Variants in C2CD2 observed in about 807,000 individuals in gnomAD.
C2CD2 encodes the protein C2 domain-containing protein 2.
A neutral mutation model predicts 74.3 loss-of-function variants in C2CD2; 43 were observed. The ratio of observed to expected loss-of-function variants is 0.58; its 90% CI spans 0.45 to 0.75. The LOEUF (loss-of-function observed/expected upper bound fraction) is 0.75, where lower values mean the gene tolerates loss of function less well. Among genes scored for constraint, C2CD2 ranks in the 30% least tolerant of loss-of-function variants. The pLI, the probability that C2CD2 is intolerant of heterozygous loss-of-function variation, is 0.00. For synonymous variants in C2CD2, 422 were observed against 390.7 expected (o/e 1.08, Z -0.94); for missense variants, 801 against 916.3 (o/e 0.87, Z 1.63).
At position 41,922,497 on chromosome 21, in the gene C2CD2, C is replaced by T. The variant is rs182533310; in HGVS notation, c.379-412G>A. Reference sequence around the variant, plus strand: ...GCATCTTTTTTTTTTTTTTTTGAGACGGAGTCTCACTCTGTCACCCAGGCT... The same window carrying T: ...GCATCTTTTTTTTTTTTTTTTGAGATGGAGTCTCACTCTGTCACCCAGGCT... On this transcript the variant is annotated intron_variant, in intron 2 of 13. Coordinates refer to ENST00000380486, the MANE Select transcript of C2CD2 (RefSeq NM_015500.2). Among the ~76,000 whole-genome samples the T allele has an allele frequency of 2.9e-4, 40 of 137,184 alleles. 1 individual carries two copies. Among genetic ancestry groups the T allele is most frequent in the Middle Eastern group, 5.2e-3 (1 of 194 alleles). The allele number at this position is 137,184 out of a possible 152,430, so 90.0% of individuals were successfully genotyped here. A position where few individuals can be genotyped will look rare whatever the true frequency, so the allele number is the denominator to read the frequency against.
chr21:41,917,182 G>A (rs1043586390), intron 5 of C2CD2, among the ~76,000 whole-genome samples: 4 of 152,152 alleles, frequency 2.6e-5, no homozygotes, highest in Non-Finnish European at 5.9e-5. Context: ...CATAGCCAGG[G>A]CTTAGCAGCA....
At chr21:41,912,277 G>T in intron 7 of C2CD2, 55 bp downstream of exon 7, 1 of 1,051,648 alleles carries the variant, frequency 9.5e-7, no homozygotes, top group Non-Finnish European at 1.5e-6. Context: ...AGGATTTGGC[G>T]CTCCTGAACA....
At position 41,922,086 on chromosome 21, in the gene C2CD2, C is replaced by G. The variant is rs1476993558; in HGVS notation, c.379-1G>C. 1.3e-6 allele frequency: 2 copies of G among 1,588,300 alleles called. No individual in the cohort carries two copies. The highest frequency in any genetic ancestry group is 2.7e-5 in the African/African-American group (2 of 74,438). On this transcript the variant is annotated splice_acceptor_variant, in intron 2 of 13. Coordinates refer to ENST00000380486, the MANE Select transcript of C2CD2 (RefSeq NM_015500.2). LOFTEE classifies it high-confidence loss of function. ...GGCCCACCACGTGACAGACCACCAC[C>G]TGGAGGAGGCACAGGTAAGGGAGAA... is the stretch of plus-strand genomic sequence containing the variant.
chr21:41,922,190 A>G, intron 2 of C2CD2, 105 bp from the exon 3 acceptor site: 1 of 669,036 alleles, frequency 1.5e-6, no homozygotes, highest in Non-Finnish European at 2.6e-6. Context: ...ACAAGGTCTC[A>G]CTCTGTCGCC....
chr21:41,907,685 G>T lies in C2CD2; in HGVS notation c.1118C>A (p.Ser373Ter). 1 of 1,612,190 alleles carries T rather than the reference G, an allele frequency of 6.2e-7. No individual in the cohort carries two copies. Among genetic ancestry groups the T allele is most frequent in the Non-Finnish European group, 8.5e-7 (1 of 1,179,754 alleles). Residue 373 changes from serine to a stop codon, truncating the protein, a stop_gained, in exon 9 of 14, where the codon TCG (serine) becomes TAG (stop). Coordinates refer to ENST00000380486, the MANE Select transcript of C2CD2 (RefSeq NM_015500.2). LOFTEE classifies it high-confidence loss of function. The part of the protein sequence containing the change: ...TLTSGSACGS[S>*]VLGSVTAEFS... ...CTCTGCCGTGACCGAGCCCAGCACC[G>T]AGCTGCCGCAGGCAGACCCGCTGGT...
chr21:41,914,344 C>CAGACAAATG (rs1423414787), intron 6 of C2CD2, among the ~76,000 whole-genome samples: 3 of 151,410 alleles, frequency 2.0e-5, no homozygotes, highest in Non-Finnish European at 4.4e-5. Flanking sequence ...AGGACAATTC[C>CAGACAAATG]AGACAAATGA....
At position 41,887,022 on chromosome 21, in the gene C2CD2, A is replaced by C. The variant is rs1258300840; in HGVS notation, c.*2102T>G. The C allele has an allele frequency of 1.3e-5, 2 of 152,232 alleles. No individual in the cohort carries two copies. The highest frequency in any genetic ancestry group is 4.8e-5 in the African/African-American group (2 of 41,458). The allele number at this position is 152,232 out of a possible 1,614,324, so 9.4% of individuals were successfully genotyped here. A position where few individuals can be genotyped will look rare whatever the true frequency, so the allele number is the denominator to read the frequency against. The stretch of plus-strand genomic sequence containing the variant: ...AAACTTCTGATATCCTTGCACTTGA[A>C]TAGAGTGCACCTGAATTCCAAAATC... On this transcript the variant is annotated 3_prime_UTR_variant, in exon 14 of 14. Transcript: ENST00000380486.
Position 41,885,360 on chromosome 21 carries a change from A to C in C2CD2, c.*3764T>G, listed in dbSNP as rs2064672076. On this transcript the variant is annotated 3_prime_UTR_variant, in exon 14 of 14. Transcript: ENST00000380486. The stretch of plus-strand genomic sequence containing the variant: ...CTTTTTACAATGCAGTTTCGACATA[A>C]CATTGGTAGAGTAAACAACAAACCA... The C allele has an allele frequency of 6.6e-6, 1 of 152,604 alleles. No homozygotes were observed. Among genetic ancestry groups the C allele is most frequent in the Admixed American group, 6.5e-5 (1 of 15,282 alleles). The allele number at this position is 152,604 out of a possible 1,614,324, so 9.5% of individuals were successfully genotyped here.
At chr21:41,919,104 G>A (rs900728280) in intron 3 of C2CD2, 144 bp from the exon 4 acceptor site, 1 of 657,862 alleles carries the variant, frequency 1.5e-6, no homozygotes, top group African/African-American at 1.8e-5. Context: ...GAGTGCATGT[G>A]AGTGTGCGTG....
intron 1 of C2CD2, among the ~76,000 whole-genome samples, chr21:41,949,206 T>C (rs1230459282): frequency 6.6e-6 from 1 of 152,176 alleles, no homozygotes; most frequent in African/African-American, 2.4e-5. Context: ...TCGAGGAGAC[T>C]GTAGGACAGC....
chr21:41,927,447 C>A (rs13052308), intron 2 of C2CD2, among the ~76,000 whole-genome samples: 1 of 151,742 alleles, frequency 6.6e-6, no homozygotes, highest in Non-Finnish European at 1.5e-5. Context: ...CGGGAACCAC[C>A]GCACCGGGCT....
intron 6 of C2CD2, among the ~76,000 whole-genome samples, chr21:41,913,466 A>G (rs936834657): frequency 1.3e-5 from 2 of 152,232 alleles, no homozygotes; most frequent in South Asian, 4.1e-4. Flanking sequence ...CAGCAGAGGC[A>G]GGAACGGGGC....
In C2CD2 at chr21:41,928,980, A is replaced by AG. The variant is rs1178702443; in HGVS notation, c.379-6896_379-6895insC. On this transcript the variant is annotated intron_variant, in intron 2 of 13. Coordinates refer to ENST00000380486, the MANE Select transcript of C2CD2 (RefSeq NM_015500.2). ...GCTTAAGTGAAATAATAAAAGTGAT[A>AG]ATATCATACCTGTAATCTCAGCACT... is the stretch of plus-strand genomic sequence containing the variant. Among the ~76,000 whole-genome samples, 11 of 83,192 alleles carry AG rather than the reference A, an allele frequency of 1.3e-4. No homozygotes were observed. The East Asian group carries it at 4.5e-3, about 34-fold the overall frequency. The allele number at this position is 83,192 out of a possible 152,430, so 54.6% of individuals were successfully genotyped here.
At chr21:41,953,183 G>A in intron 1 of C2CD2, 187 bp downstream of exon 1, 1 of 410,672 alleles carries the variant, frequency 2.4e-6, no homozygotes, top group Non-Finnish European at 4.3e-6. Context: ...CAATCACTTT[G>A]TCTTGTCTCT....
At chr21:41,940,281 A>C (rs925396064) in intron 2 of C2CD2, among the ~76,000 whole-genome samples, 1 of 152,236 alleles carries the variant, frequency 6.6e-6, no homozygotes, top group Non-Finnish European at 1.5e-5. Flanking sequence ...TTGAAGCAAA[A>C]TGAACTACAA....
At chr21:41,928,929 A>G (rs186110167) in intron 2 of C2CD2, among the ~76,000 whole-genome samples, 36 of 152,048 alleles carry the variant, frequency 2.4e-4, no homozygotes, top group African/African-American at 8.7e-4. Context: ...TGTCTTTTTT[A>G]TGGTGAGGAT....
intron 2 of C2CD2, among the ~76,000 whole-genome samples, chr21:41,927,135 A>G (rs2065220391): frequency 6.6e-6 from 1 of 152,214 alleles, no homozygotes; most frequent in East Asian, 1.9e-4. Context: ...CTGTTTGCCC[A>G]CTAATTCAAA....
In C2CD2 at chr21:41,926,432, G is replaced by A. The variant is rs891061693; in HGVS notation, c.379-4347C>T. The A allele has an allele frequency of 1.4e-5, 14 of 980,866 alleles. No individual in the cohort carries two copies. Among genetic ancestry groups the A allele is most frequent in the African/African-American group, 1.8e-5 (1 of 57,102 alleles). 60.8% of individuals were successfully genotyped at this position (980,866 alleles called of 1,614,324 possible). A position where few individuals can be genotyped will look rare whatever the true frequency, so the allele number is the denominator to read the frequency against. On this transcript the variant is annotated intron_variant, in intron 2 of 13. Transcript: ENST00000380486. This position sits in a 1 kb window ranked among gnomAD's most constrained non-coding sequence, Gnocchi z 8.0. ...GGCAGGTGAGGGTTTGGGTCGGGGAGCCCTGGGCAGCAGATGGAAGCACCA... is the reference window on the plus strand; with the variant it reads ...GGCAGGTGAGGGTTTGGGTCGGGGAACCCTGGGCAGCAGATGGAAGCACCA...
At chr21:41,942,052 G>T in intron 2 of C2CD2, 95 bp downstream of exon 2, 2 of 1,469,898 alleles carry the variant, frequency 1.4e-6, no homozygotes, top group South Asian at 2.7e-5. Context: ...CCTAGTGTAA[G>T]GGTTCCGCAT....
Sources: gnomAD v4.1 joint callset for allele counts (sites outside exome capture counted in the v4.1 genomes callset) on GRCh38, gnomAD v4.1.1 for gene constraint, Gnocchi (gnomAD v3.1) non-coding constraint, MANE v1.5 for transcripts, NCBI Gene and HGNC (gene_info 2026-07-23, HGNC 2026-07-21) for gene names.